Variants in LINGO2 observed in about 807,000 individuals in gnomAD.
The protein encoded by LINGO2 is leucine rich repeat and Ig domain containing 2, also known as leucine-rich repeat and immunoglobulin-like domain-containing nogo receptor-interacting protein 2.
Under a neutral mutation model 30.6 loss-of-function variants are expected in LINGO2, and 14 were observed. The observed-to-expected ratio is 0.46, with a 90% CI of 0.30 to 0.72. LINGO2 has a LOEUF of 0.72. Ranked by LOEUF, LINGO2 falls within the 30% of genes least tolerant of loss-of-function variation. LINGO2 has a pLI of 0.07. For missense variants in LINGO2, 729 were observed against 751.7 expected, an observed-to-expected ratio of 0.97 and a Z score of 0.35; for synonymous variants, 317 against 288.5, an observed-to-expected ratio of 1.10 and a Z score of -1.00.
intron 2 of LINGO2, among the ~76,000 whole-genome samples, chr9:28,453,634 G>A (rs968143669): frequency 2.6e-5 from 4 of 151,868 alleles, no homozygotes; most frequent in African/African-American, 9.7e-5. Context: ...TTCAAAAGAG[G>A]AGTAAAATGG....
At chr9:28,202,235 A>T (rs967283824) in intron 4 of LINGO2, among the ~76,000 whole-genome samples, 3 of 152,176 alleles carry the variant, frequency 2.0e-5, no homozygotes, top group Admixed American at 6.5e-5. Flanking sequence ...ATTTTAGGGT[A>T]TCAGGATGAG....
chr9:28,104,614 ACT>A (rs1563977232), intron 4 of LINGO2, among the ~76,000 whole-genome samples: 1 of 150,674 alleles, frequency 6.6e-6, no homozygotes, highest in Non-Finnish European at 1.5e-5. Flanking sequence ...GAACACCCTG[ACT>A]CTCCATTATT....
chr9:28,321,150 C>T (rs933737523), intron 3 of LINGO2, among the ~76,000 whole-genome samples: 2 of 152,066 alleles, frequency 1.3e-5, no homozygotes, highest in African/African-American at 4.8e-5. Context: ...TAAAGAAATG[C>T]TTATCAAAGA....
chr9:27,984,580 T>C (rs946316940), intron 5 of LINGO2, among the ~76,000 whole-genome samples: 1 of 151,816 alleles, frequency 6.6e-6, no homozygotes, highest in Admixed American at 6.6e-5. Context: ...GCATTGCTCT[T>C]TTATGGGCTA....
At chr9:27,977,020 C>A (rs16912178) in intron 5 of LINGO2, among the ~76,000 whole-genome samples, 10,268 of 148,802 alleles carry the variant, frequency 0.069, 701 homozygotes, top group East Asian at 0.24. Flanking sequence ...TTCTGTTCCA[C>A]TGGACTTTTT....
chr9:28,555,899 C>A (rs1001185768), intron 1 of LINGO2, among the ~76,000 whole-genome samples: 1 of 151,272 alleles, frequency 6.6e-6, no homozygotes, highest in African/African-American at 2.4e-5. Flanking sequence ...ACAAAAACCA[C>A]GATTATCTCA....
chr9:28,938,656 C>T, the LINGO2 span, among the ~76,000 whole-genome samples: 1 of 152,142 alleles, frequency 6.6e-6, no homozygotes. Flanking sequence ...GTATTTGGTA[C>T]AGTAACATGC....
At chr9:28,988,833 C>A in the LINGO2 span, among the ~76,000 whole-genome samples, 1 of 152,114 alleles carries the variant, frequency 6.6e-6, no homozygotes, top group Non-Finnish European at 1.5e-5. Context: ...ATTCTTCTAA[C>A]TTTTCTATTT....
the LINGO2 span, among the ~76,000 whole-genome samples, chr9:28,719,348 G>A: frequency 6.6e-6 from 1 of 151,916 alleles, no homozygotes; most frequent in Non-Finnish European, 1.5e-5. Context: ...TCTTTCCTGT[G>A]CTGACTGCTT....
chr9:28,506,021 A>G (rs933656830), intron 1 of LINGO2, among the ~76,000 whole-genome samples: 3 of 151,870 alleles, frequency 2.0e-5, no homozygotes, highest in African/African-American at 7.2e-5. Flanking sequence ...AGTTGTACTG[A>G]CCCGTGGAAA....
intron 4 of LINGO2, among the ~76,000 whole-genome samples, chr9:28,020,633 T>C (rs890685549): frequency 2.6e-5 from 4 of 152,176 alleles, no homozygotes; most frequent in Non-Finnish European, 5.9e-5. Context: ...AAAATTAGCA[T>C]CAATCTTTGG....
At chr9:29,025,872 C>T in the LINGO2 span, among the ~76,000 whole-genome samples, 1 of 152,084 alleles carries the variant, frequency 6.6e-6, no homozygotes, top group African/African-American at 2.4e-5. Flanking sequence ...GATTCCACAT[C>T]TGAGAGGCAT....
chr9:28,329,906 A>C lies in LINGO2; in HGVS notation c.-245-34540T>G, dbSNP rs763356216. On this transcript the variant is annotated intron_variant, in intron 3 of 5. Transcript: ENST00000379992. The surrounding 1 kb of genome is among the most constrained non-coding windows in gnomAD (Gnocchi z 4.5). ...GTCTATTTGTGTATTTAGCTCTTCCAATAGACACTTTCTTTTAATTTTTAT... is the reference window on the plus strand; with the variant it reads ...GTCTATTTGTGTATTTAGCTCTTCCCATAGACACTTTCTTTTAATTTTTAT... Among the ~76,000 whole-genome samples the C allele has an allele frequency of 1.3e-5, 2 of 152,160 alleles. No homozygotes were observed. The highest frequency in any genetic ancestry group is 2.9e-5 in the Non-Finnish European group (2 of 68,042).
chr9:28,444,621 C>T (rs1412993785), intron 2 of LINGO2, among the ~76,000 whole-genome samples: 1 of 152,180 alleles, frequency 6.6e-6, no homozygotes, highest in Non-Finnish European at 1.5e-5. Context: ...TGGTTTCTGG[C>T]ATCTCTGAGC....
At chr9:28,836,563 G>T in the LINGO2 span, among the ~76,000 whole-genome samples, 7 of 152,030 alleles carry the variant, frequency 4.6e-5, no homozygotes, top group Admixed American at 6.6e-5. Flanking sequence ...TGATCCACCC[G>T]CCTCAACTTC....
chr9:27,960,614 CTTTTT>C (rs540319420), intron 5 of LINGO2, among the ~76,000 whole-genome samples: 131 of 122,314 alleles, frequency 1.1e-3, no homozygotes, highest in African/African-American at 3.2e-3. Context: ...TGTGGTATAT[CTTTTT>C]TTTTTTTTTT....
the LINGO2 span, among the ~76,000 whole-genome samples, chr9:29,169,393 C>T: frequency 6.6e-6 from 1 of 151,868 alleles, no homozygotes; most frequent in African/African-American, 2.4e-5. Flanking sequence ...TGACAAAAGG[C>T]TAATATCCAG....
the LINGO2 span, among the ~76,000 whole-genome samples, chr9:29,148,572 C>T: frequency 6.6e-6 from 1 of 152,118 alleles, no homozygotes; most frequent in Non-Finnish European, 1.5e-5. Context: ...AATCATTTTA[C>T]AGCAAATATT....
chr9:28,880,696 T>C, the LINGO2 span, among the ~76,000 whole-genome samples: 14 of 152,258 alleles, frequency 9.2e-5, no homozygotes, highest in Non-Finnish European at 1.2e-4. Context: ...GCAGTTGAGA[T>C]AGAGGAAGGC....
Sources: gnomAD v4.1 joint callset for allele counts (sites outside exome capture counted in the v4.1 genomes callset) on GRCh38, gnomAD v4.1.1 for gene constraint, Gnocchi (gnomAD v3.1) non-coding constraint, MANE v1.5 for transcripts, NCBI Gene and HGNC (gene_info 2026-07-23, HGNC 2026-07-21) for gene names.